Variants in PIWIL2 observed in about 807,000 individuals in gnomAD.
PIWIL2 encodes the protein piwi-like protein 2.
A neutral mutation model predicts 116.5 loss-of-function variants in PIWIL2; 81 were observed. The ratio of observed to expected loss-of-function variants is 0.70; its 90% CI spans 0.58 to 0.84. The LOEUF (loss-of-function observed/expected upper bound fraction) is 0.84. PIWIL2 is among the 40% of genes least tolerant of loss of function. The probability of loss-of-function intolerance (pLI) is 0.00; values close to 1 mark genes in which losing one functional copy is unlikely to be tolerated. For synonymous variants in PIWIL2, 489 were observed against 429.5 expected, an observed-to-expected ratio of 1.14 and a Z score of -1.71; for missense variants, 1,272 against 1,212.3, an observed-to-expected ratio of 1.05 and a Z score of -0.73.
rs1438956618 is a variant in PIWIL2 at position 22,315,191 on chromosome 8, C to T, written c.2208+46C>T. The T allele has an allele frequency of 5.8e-6, 6 of 1,033,610 alleles. No individual in the cohort carries two copies. In the South Asian group the frequency reaches 7.7e-5, roughly 13 times the overall value. 64.0% of individuals were successfully genotyped at this position (1,033,610 alleles called of 1,614,324 possible). ...TCAGTTTGCCTCTCCAGAGAATCCT[C>T]CAAGCTGTTTTCCTGTTTTTCCTTA... is the stretch of plus-strand genomic sequence containing the variant. On this transcript the variant is annotated intron_variant, in intron 18 of 22. Coordinates refer to ENST00000356766, the MANE Select transcript of PIWIL2 (RefSeq NM_018068.5).
intron 20 of PIWIL2, among the ~76,000 whole-genome samples, chr8:22,335,003 C>A (rs1831947028): frequency 6.8e-6 from 1 of 146,860 alleles, no homozygotes; most frequent in Non-Finnish European, 1.5e-5. Context: ...TGCAGCGAGC[C>A]AACATTGTGC....
rs1326012599 is a variant in PIWIL2 at position 22,294,899 on chromosome 8, GGAAAAAAAA to G, written c.1181+4554_1181+4562del. On this transcript the variant is annotated intron_variant, in intron 10 of 22. Transcript: ENST00000356766. ...AACATGGTGAAATCCCATCTTTACT[GGAAAAAAAA>G]AAAAAAAAAAAAAAAAAAAAATTAA... 1.1e-3 allele frequency among the ~76,000 whole-genome samples: 91 copies of G among 79,422 alleles called. 2 individuals carry two copies. Among genetic ancestry groups the G allele is most frequent in the South Asian group, 5.2e-3 (12 of 2,296 alleles). 52.1% of individuals were successfully genotyped at this position (79,422 alleles called of 152,430 possible). A position where few individuals can be genotyped will look rare whatever the true frequency, so the allele number is the denominator to read the frequency against.
chr8:22,311,284 C>T lies in PIWIL2; in HGVS notation c.1973C>T (p.Ser658Phe), dbSNP rs774928702. The T allele has an allele frequency of 3.4e-5, 55 of 1,608,424 alleles. No homozygotes were observed. Among genetic ancestry groups the T allele is most frequent in the Non-Finnish European group, 4.7e-5 (55 of 1,178,098 alleles). ...RIETYVRTIQ[S>F]TLGAEGKIQM... Reference sequence around the variant, plus strand: ...GAGACTTATGTCAGAACCATTCAATCCACGTTAGGAGCTGAGGTAAAAATG... The same window carrying T: ...GAGACTTATGTCAGAACCATTCAATTCACGTTAGGAGCTGAGGTAAAAATG... The change falls in exon 16 of 23, where the codon TCC (serine) becomes TTC (phenylalanine). Residue 658 changes from serine (S) to phenylalanine (F), a missense_variant. Transcript: ENST00000356766.
At chr8:22,335,819 A>C (rs1456570071) in intron 20 of PIWIL2, among the ~76,000 whole-genome samples, 1 of 152,142 alleles carries the variant, frequency 6.6e-6, no homozygotes, top group Non-Finnish European at 1.5e-5. Flanking sequence ...TCTGCCTCCC[A>C]AAGTGGTGGG....
At chr8:22,307,070 A>G (rs11990782) in intron 13 of PIWIL2, among the ~76,000 whole-genome samples, 6,524 of 152,322 alleles carry the variant, frequency 0.043, 447 homozygotes, top group African/African-American at 0.15. Context: ...GTAACATCAA[A>G]TGACTAGTAT....
intron 6 of PIWIL2, among the ~76,000 whole-genome samples, chr8:22,285,264 T>A (rs921497528): frequency 2.0e-5 from 3 of 151,364 alleles, no homozygotes; most frequent in African/African-American, 7.4e-5. Flanking sequence ...ACCTTCCTAC[T>A]CTCTGTTCAC....
intron 20 of PIWIL2, among the ~76,000 whole-genome samples, chr8:22,332,000 GGAAA>G (rs1831874244): frequency 6.6e-6 from 1 of 152,048 alleles, no homozygotes; most frequent in African/African-American, 2.4e-5. Context: ...AGCTGAGGCT[GGAAA>G]GAGTCAACTG....
At chr8:22,290,472 T>TAA in intron 10 of PIWIL2, 126 bp downstream of exon 10, 1 of 597,938 alleles carries the variant, frequency 1.7e-6, no homozygotes, top group Non-Finnish European at 3.1e-6. Context: ...GACAGGGTCT[T>TAA]GTTTTGTCAC....
intron 16 of PIWIL2, among the ~76,000 whole-genome samples, chr8:22,312,712 C>A (rs918565856): frequency 5.9e-5 from 9 of 152,192 alleles, no homozygotes; most frequent in Non-Finnish European, 1.2e-4. Context: ...ATGATCATAG[C>A]TGACTGTAAC....
At chr8:22,349,419 G>GTGTATA (rs1554506729) in intron 20 of PIWIL2, among the ~76,000 whole-genome samples, 46 of 134,442 alleles carry the variant, frequency 3.4e-4, no homozygotes, top group African/African-American at 1.1e-3. Flanking sequence ...ATGTGTGTGT[G>GTGTATA]TATATATATA....
Position 22,294,898 on chromosome 8 carries a change from TG to T in PIWIL2, c.1181+4554del, listed in dbSNP as rs147632188. The stretch of plus-strand genomic sequence containing the variant: ...CAACATGGTGAAATCCCATCTTTAC[TG>T]GAAAAAAAAAAAAAAAAAAAAAAAA... On this transcript the variant is annotated intron_variant, in intron 10 of 22. Coordinates refer to ENST00000356766, the MANE Select transcript of PIWIL2 (RefSeq NM_018068.5). 7.9e-3 allele frequency among the ~76,000 whole-genome samples: 199 copies of T among 25,236 alleles called. 20 individuals carry two copies. The highest frequency in any genetic ancestry group is 0.019 in the African/African-American group (134 of 7,160). 16.6% of individuals were successfully genotyped at this position (25,236 alleles called of 152,430 possible). A position where few individuals can be genotyped will look rare whatever the true frequency, so the allele number is the denominator to read the frequency against.
intron 18 of PIWIL2, 141 bp from the exon 19 acceptor site, chr8:22,316,104 C>CTTTTTTTTTTTTTTTTTTTTTT: frequency 1.8e-6 from 1 of 541,608 alleles, no homozygotes; most frequent in Non-Finnish European, 3.3e-6. Context: ...AGTTGATTGT[C>CTTTTTTTTTTTTTTTTTTTTTT]TTTTTTTTTT....
At chr8:22,352,607 G>A (rs1030390605) in intron 20 of PIWIL2, among the ~76,000 whole-genome samples, 1 of 152,134 alleles carries the variant, frequency 6.6e-6, no homozygotes, top group Non-Finnish European at 1.5e-5. Flanking sequence ...ACAGTTATTA[G>A]TGTTAAATCC....
chr8:22,297,953 C>A (rs543121150), intron 10 of PIWIL2, among the ~76,000 whole-genome samples: 1 of 152,202 alleles, frequency 6.6e-6, no homozygotes, highest in South Asian at 2.1e-4. Flanking sequence ...AAAAGCAAAG[C>A]AAGCAAATGA....
At chr8:22,337,571 A>T (rs1160128738) in intron 20 of PIWIL2, among the ~76,000 whole-genome samples, 2 of 129,500 alleles carry the variant, frequency 1.5e-5, no homozygotes, top group Non-Finnish European at 3.5e-5. Flanking sequence ...CTACTAAATT[A>T]AAAAAAAAAA....
intron 20 of PIWIL2, among the ~76,000 whole-genome samples, chr8:22,345,020 AAAGTT>A (rs944269323): frequency 1.3e-5 from 2 of 152,082 alleles, no homozygotes; most frequent in African/African-American, 4.8e-5. Context: ...AGTTCCTTAA[AAAGTT>A]AAGCATGCCG....
At chr8:22,351,431 G>A (rs1309314056) in intron 20 of PIWIL2, among the ~76,000 whole-genome samples, 1 of 53,422 alleles carries the variant, frequency 1.9e-5, no homozygotes, top group Non-Finnish European at 3.5e-5. Context: ...AAGGAACAGT[G>A]CATACATACA....
chr8:22,283,691 G>A (rs1830565588), intron 5 of PIWIL2, among the ~76,000 whole-genome samples: 1 of 152,206 alleles, frequency 6.6e-6, no homozygotes. Context: ...TTACAGGTGT[G>A]AGCCACTGTG....
At chr8:22,318,118 C>T (rs773674568) in intron 19 of PIWIL2, 52 bp from the exon 20 acceptor site, 35 of 1,147,904 alleles carry the variant, frequency 3.0e-5, no homozygotes, top group Middle Eastern at 2.5e-4. Context: ...CTGTCCCCTT[C>T]GAGCATTTGT....
Sources: allele counts gnomAD v4.1 joint callset (sites outside exome capture counted in the v4.1 genomes callset), GRCh38; gene constraint gnomAD v4.1.1; transcripts MANE v1.5; gene names NCBI Gene and HGNC (gene_info 2026-07-23, HGNC 2026-07-21).